Variants in NEK1 observed in about 807,000 individuals in gnomAD.
The protein encoded by NEK1 is NIMA related kinase 1.
In NEK1, 137 loss-of-function variants were observed where a neutral mutation model predicts 182.1. The observed-to-expected ratio is 0.75, with a 90% CI of 0.65 to 0.87. NEK1 has a LOEUF of 0.87. Ranked by LOEUF, NEK1 falls within the 40% of genes least tolerant of loss-of-function variation. The probability of loss-of-function intolerance (pLI) is 0.00; values close to 1 mark genes in which losing one functional copy is unlikely to be tolerated. For synonymous variants in NEK1, 513 were observed against 492.2 expected, an observed-to-expected ratio of 1.04 and a Z score of -0.56; for missense variants, 1,391 against 1,494.4, an observed-to-expected ratio of 0.93 and a Z score of 1.14.
intron 19 of NEK1, among the ~76,000 whole-genome samples, chr4:169,514,611 T>C (rs936541892): frequency 2.0e-5 from 3 of 152,242 alleles, no homozygotes; most frequent in Admixed American, 1.3e-4. Context: ...TTACGAATTT[T>C]ATAGGATTGG....
chr4:169,487,863 A>G (rs575213343), intron 23 of NEK1, among the ~76,000 whole-genome samples: 17 of 152,018 alleles, frequency 1.1e-4, no homozygotes, highest in African/African-American at 3.6e-4. Context: ...ATTCTGACTG[A>G]TGTGATATGG....
chr4:169,610,783 T>C (rs1772192701), intron 2 of NEK1, among the ~76,000 whole-genome samples: 1 of 152,232 alleles, frequency 6.6e-6, no homozygotes, highest in Non-Finnish European at 1.5e-5. Context: ...AGATATTCTA[T>C]AGACAGGCTG....
chr4:169,447,155 C>T (rs1051774703), intron 27 of NEK1, among the ~76,000 whole-genome samples: 5 of 152,136 alleles, frequency 3.3e-5, no homozygotes, highest in African/African-American at 1.2e-4. Context: ...AATCAAACTC[C>T]AAAAGGTCAA....
At chr4:169,585,197 G>C (rs1341128480) in intron 10 of NEK1, among the ~76,000 whole-genome samples, 152 bp downstream of exon 10, 1 of 151,970 alleles carries the variant, frequency 6.6e-6, no homozygotes, top group Non-Finnish European at 1.5e-5. Flanking sequence ...TGAAGAAAAA[G>C]AAAGACCATG....
intron 18 of NEK1, among the ~76,000 whole-genome samples, chr4:169,542,936 T>G (rs573859732): frequency 6.6e-6 from 1 of 152,208 alleles, no homozygotes; most frequent in African/African-American, 2.4e-5. Context: ...ATTCTGTAGG[T>G]TGCCTGTTCA....
chr4:169,545,500 GCA>G (rs1760270244), intron 18 of NEK1, among the ~76,000 whole-genome samples: 1 of 149,408 alleles, frequency 6.7e-6, no homozygotes, highest in African/African-American at 2.5e-5. Context: ...GAATAATGCC[GCA>G]ATAAACATAT....
chr4:169,496,993 TTG>T (rs1751439353), intron 23 of NEK1, among the ~76,000 whole-genome samples: 2 of 152,228 alleles, frequency 1.3e-5, no homozygotes, highest in African/African-American at 4.8e-5. Flanking sequence ...CAGCTCCTCC[TTG>T]TACCTCTGGT....
chr4:169,610,873 A>G (rs921084057), intron 2 of NEK1, among the ~76,000 whole-genome samples: 3 of 152,256 alleles, frequency 2.0e-5, no homozygotes, highest in East Asian at 1.9e-4. Context: ...CAATCCATAC[A>G]TACAGTTCTG....
rs1158403334 is a variant in NEK1 at position 169,410,149 on chromosome 4, A to G, written c.3223-3402T>C. Among the ~76,000 whole-genome samples, 4 of 152,172 alleles carry G rather than the reference A, an allele frequency of 2.6e-5. No individual in the cohort carries two copies. The East Asian group carries it at 7.7e-4, about 29-fold the overall frequency. ...TCCACAAAAAGAACTCTTTCTGAAA[A>G]TAACAGCTCATCTATAACACACTGG... On this transcript the variant is annotated intron_variant, in intron 31 of 35. Transcript: ENST00000507142.
At chr4:169,496,835 T>C (rs956975033) in intron 23 of NEK1, among the ~76,000 whole-genome samples, 17 of 152,188 alleles carry the variant, frequency 1.1e-4, no homozygotes, top group Admixed American at 1.0e-3. Context: ...TTTACATCGA[T>C]GTTCATCAGG....
intron 18 of NEK1, among the ~76,000 whole-genome samples, chr4:169,546,464 T>G (rs1287652788): frequency 1.3e-5 from 2 of 152,164 alleles, no homozygotes; most frequent in African/African-American, 4.8e-5. Context: ...CCCTGTTGAT[T>G]TGGGGTGGAG....
chr4:169,549,669 T>C (rs928855627), intron 18 of NEK1, among the ~76,000 whole-genome samples: 3 of 152,106 alleles, frequency 2.0e-5, no homozygotes, highest in Non-Finnish European at 4.4e-5. Context: ...GTGATCTGCC[T>C]GCCTCGGCCT....
At chr4:169,575,422 T>G (rs67757785) in intron 12 of NEK1, among the ~76,000 whole-genome samples, 6,256 of 152,306 alleles carry the variant, frequency 0.041, 164 homozygotes, top group African/African-American at 0.063. Context: ...TTCTTCCTGT[T>G]ACTGCAGCAA....
Position 169,508,796 on chromosome 4 carries a change from T to G in NEK1, c.1722A>C (p.Gly574=), listed in dbSNP as rs769380623. 1 of 1,589,516 alleles carries G rather than the reference T, an allele frequency of 6.3e-7. No individual in the cohort carries two copies. The highest frequency in any genetic ancestry group is 8.5e-7 in the Non-Finnish European group (1 of 1,175,628). The change falls in exon 20 of 36, where the codon GGA becomes GGC. Residue 574 remains glycine, a synonymous_variant. Coordinates refer to ENST00000507142, the MANE Select transcript of NEK1 (RefSeq NM_001199397.3). ...MYGGRPSSSR[G]GKPRNKEEEV... ...CTTCCTCTTTGTTTCTTGGCTTCCCTCCTCTTGAAGAGCTGGGCCTGCCTC... is the reference window on the plus strand; with the variant it reads ...CTTCCTCTTTGTTTCTTGGCTTCCCGCCTCTTGAAGAGCTGGGCCTGCCTC...
chr4:169,527,612 T>C (rs922355096), intron 19 of NEK1, among the ~76,000 whole-genome samples: 1 of 152,040 alleles, frequency 6.6e-6, no homozygotes, highest in African/African-American at 2.4e-5. Context: ...AAAAGTAAAG[T>C]ATGTATTTTT....
chr4:169,428,913 C>A (rs1218404438), intron 29 of NEK1, among the ~76,000 whole-genome samples: 1 of 152,134 alleles, frequency 6.6e-6, no homozygotes, highest in Non-Finnish European at 1.5e-5. Context: ...TTTTAGACAT[C>A]TTTCCATATT....
At chr4:169,512,660 G>A (rs1478506321) in intron 19 of NEK1, among the ~76,000 whole-genome samples, 2 of 151,940 alleles carry the variant, frequency 1.3e-5, no homozygotes, top group East Asian at 3.8e-4. Context: ...TACTCTTGGT[G>A]TCAAGTCTAA....
chr4:169,575,286 T>C (rs1299094192), intron 12 of NEK1, among the ~76,000 whole-genome samples: 1 of 152,222 alleles, frequency 6.6e-6, no homozygotes, highest in African/African-American at 2.4e-5. Flanking sequence ...GTCCAGCTTG[T>C]GATGCTAGAG....
intron 31 of NEK1, among the ~76,000 whole-genome samples, chr4:169,408,598 G>A (rs1733061402): frequency 6.6e-6 from 1 of 152,142 alleles, no homozygotes; most frequent in Non-Finnish European, 1.5e-5. Flanking sequence ...TACCCAACGT[G>A]CAGTCTTTTA....
Sources: gnomAD v4.1 joint callset for allele counts (sites outside exome capture counted in the v4.1 genomes callset) on GRCh38, gnomAD v4.1.1 for gene constraint, MANE v1.5 for transcripts, NCBI Gene and HGNC (gene_info 2026-07-23, HGNC 2026-07-21) for gene names.